ZNF808: variants seen among roughly 807,000 people sequenced by gnomAD.
ZNF808 encodes zinc finger protein 808.
Under a neutral mutation model 8.7 loss-of-function variants are expected in ZNF808, and 5 were observed. That is an observed-to-expected ratio of 0.58 (90% confidence interval 0.30 to 1.21). The LOEUF (loss-of-function observed/expected upper bound fraction) is 1.21, where lower values mean the gene tolerates loss of function less well. Ranked by LOEUF, ZNF808 falls within the 50% of genes most tolerant of loss-of-function variation. ZNF808 has a pLI of 0.07. For synonymous variants in ZNF808, 380 were observed against 366.0 expected (o/e 1.04, Z -0.44); for missense variants, 1,103 against 1,098.4 (o/e 1.00, Z -0.06).
chr19:52,548,236 C>T (rs1322894312), intron 4 of ZNF808, among the ~76,000 whole-genome samples: 30 of 152,168 alleles, frequency 2.0e-4, no homozygotes, highest in Admixed American at 1.9e-3. Context: ...ACATTTTTCA[C>T]ACCAATATGT....
At chr19:52,541,249 CTTT>C (rs762635770) in intron 2 of ZNF808, among the ~76,000 whole-genome samples, 1 of 139,586 alleles carries the variant, frequency 7.2e-6, no homozygotes, top group African/African-American at 2.6e-5. Flanking sequence ...CCCGCCTGGC[CTTT>C]TTTTTTTTTT....
Position 52,553,475 on chromosome 19 carries a change from G to C in ZNF808, c.559G>C (p.Ala187Pro). Residue 187 changes from alanine to proline, a missense_variant, in exon 5 of 5, where the codon GCT becomes CCT. By Grantham distance (27) the Ala-to-Pro change is conservative. Coordinates refer to ENST00000359798, the MANE Select transcript of ZNF808 (RefSeq NM_001039886.4). ...ANQLEKSTSD[A>P]SSVSTSQRIS... ...TCAACTTGAGAAGTCTACCAGTGATGCTTCCTCAGTTTCAACATCCCAAAG... is the reference window on the plus strand; with the variant it reads ...TCAACTTGAGAAGTCTACCAGTGATCCTTCCTCAGTTTCAACATCCCAAAG... 1 of 1,614,134 alleles carries C rather than the reference G, an allele frequency of 6.2e-7. No homozygotes were observed. Among genetic ancestry groups the C allele is most frequent in the Non-Finnish European group, 8.5e-7 (1 of 1,180,022 alleles).
chr19:52,532,763 T>C (rs1328981719), intron 1 of ZNF808, 145 bp from the exon 2 acceptor site: 1 of 148,750 alleles, frequency 6.7e-6, no homozygotes, highest in African/African-American at 2.5e-5. Context: ...TATTAAAGAA[T>C]CTTACTCCTT....
rs73578259 is a variant in ZNF808, at chr19:52,561,355, T to C, written c.*423-1963T>C. On this transcript the variant is annotated intron_variant and NMD_transcript_variant, in intron 3 of 3. Transcript: ENST00000487863. ...TGCACCCATTAATTCATCATACTTCTTTCTGTTCTTGTATTTTCTGTGACT... is the reference window on the plus strand; with the variant it reads ...TGCACCCATTAATTCATCATACTTCCTTCTGTTCTTGTATTTTCTGTGACT... Among the ~76,000 whole-genome samples the C allele has an allele frequency of 5.4e-3, 821 of 152,018 alleles. 5 individuals carry two copies. The highest frequency in any genetic ancestry group is 0.017 in the African/African-American group (718 of 41,466).
chr19:52,564,323 T>A, exon 4 of ZNF808: 2 of 606,346 alleles, frequency 3.3e-6, no homozygotes, highest in South Asian at 3.9e-5. Context: ...ATCTGGAGAC[T>A]TGGACATGTT....
downstream of ZNF808, among the ~76,000 whole-genome samples, chr19:52,566,732 G>A (rs1444162151): frequency 6.6e-6 from 1 of 152,094 alleles, no homozygotes; most frequent in African/African-American, 2.4e-5. Context: ...GGGTGACAAA[G>A]TTCAAGTCCA....
At chr19:52,556,704 G>C (rs920174760), downstream of ZNF808, 8 of 151,878 alleles carry the variant, frequency 5.3e-5, no homozygotes, top group Admixed American at 2.0e-4. Context: ...CTTGCAGTAA[G>C]CCCAGATAGC....
intron 4 of ZNF808, among the ~76,000 whole-genome samples, chr19:52,552,020 A>AT (rs756379358): frequency 0.043 from 6,131 of 144,178 alleles, 174 homozygotes; most frequent in Middle Eastern, 0.066. Flanking sequence ...ATGGAAACAA[A>AT]TTTTTTTTTT....
chr19:52,544,029 C>A (rs1354100963), intron 3 of ZNF808, among the ~76,000 whole-genome samples: 1 of 151,628 alleles, frequency 6.6e-6, no homozygotes. Flanking sequence ...TGTGGTGGTG[C>A]ATGCCTGTAA....
rs2059800688 is a variant in ZNF808 at position 52,553,626 on chromosome 19, G to A, written c.710G>A (p.Gly237Asp). The A allele has an allele frequency of 1.2e-6, 2 of 1,614,186 alleles. No homozygotes were observed. Among genetic ancestry groups the A allele is most frequent in the Non-Finnish European group, 8.5e-7 (1 of 1,180,042 alleles). ...REKSFPCNES[G>D]KAFNCSSLLR... ...AAATCTTTCCCATGTAATGAGAGTG[G>A]CAAAGCCTTTAATTGTAGCTCACTC... Residue 237 changes from glycine to aspartate, a missense_variant, in exon 5 of 5, where the codon GGC (glycine) becomes GAC (aspartate). Coordinates refer to ENST00000359798, the MANE Select transcript of ZNF808 (RefSeq NM_001039886.4).
intron 1 of ZNF808, among the ~76,000 whole-genome samples, chr19:52,531,525 C>T (rs567030335): frequency 6.0e-5 from 9 of 150,976 alleles, no homozygotes; most frequent in East Asian, 2.0e-4. Context: ...TAAAAGCAGA[C>T]GTATTCACGT....
intron 2 of ZNF808, among the ~76,000 whole-genome samples, chr19:52,533,926 T>A (rs2059583338): frequency 7.1e-6 from 1 of 140,432 alleles, no homozygotes; most frequent in Admixed American, 7.2e-5. Flanking sequence ...AATTCAAACA[T>A]CAAATGATTC....
chr19:52,567,936 A>G (rs1233607167), downstream of ZNF808, among the ~76,000 whole-genome samples: 1 of 152,236 alleles, frequency 6.6e-6, no homozygotes, highest in Non-Finnish European at 1.5e-5. Flanking sequence ...CAAGGGAGAT[A>G]GTACCTGTAA....
intron 2 of ZNF808, chr19:52,535,847 C>G (rs1264715379): frequency 6.6e-6 from 1 of 152,140 alleles, no homozygotes; most frequent in African/African-American, 2.4e-5. Flanking sequence ...GCGCTGGGTG[C>G]GAGGCGGAGG....
chr19:52,566,624 C>G (rs141571396), downstream of ZNF808, among the ~76,000 whole-genome samples: 57 of 152,256 alleles, frequency 3.7e-4, no homozygotes, highest in African/African-American at 1.2e-3. Context: ...GAAGCTCAGT[C>G]TGTCAGATAC....
chr19:52,546,353 A>G (rs1275193953), intron 3 of ZNF808, among the ~76,000 whole-genome samples: 1 of 151,640 alleles, frequency 6.6e-6, no homozygotes, highest in Non-Finnish European at 1.5e-5. Flanking sequence ...ACACCCAGCT[A>G]ATTTTTGTGT....
chr19:52,553,217 T>G lies in ZNF808; in HGVS notation c.301T>G (p.Phe101Val), dbSNP rs1252907834. ...QRHQSYHIGD[F>V]CFQEIEKEIH... ...ACATCAAAGTTATCACATTGGAGAC[T>G]TTTGCTTCCAGGAAATTGAGAAAGA... is the stretch of plus-strand genomic sequence containing the variant. Residue 101 changes from phenylalanine (F) to valine (V), a missense_variant, in exon 5 of 5, where the codon TTT becomes GTT. Transcript: ENST00000359798. 2.4e-5 allele frequency: 39 copies of G among 1,613,940 alleles called. No individual in the cohort carries two copies. The Admixed American group carries it at 3.7e-4, about 15-fold the overall frequency.
intron 4 of ZNF808, among the ~76,000 whole-genome samples, chr19:52,551,618 G>A (rs941850257): frequency 4.6e-5 from 7 of 152,018 alleles, no homozygotes; most frequent in Admixed American, 6.6e-5. Flanking sequence ...TTTATCATGG[G>A]TTACAATATT....
downstream of ZNF808, among the ~76,000 whole-genome samples, chr19:52,560,531 T>C (rs1395833736): frequency 6.6e-6 from 1 of 152,114 alleles, no homozygotes; most frequent in Non-Finnish European, 1.5e-5. Context: ...TTCTGGAATC[T>C]ACACAAGGCA....
Sources: gnomAD v4.1 joint callset for allele counts (sites outside exome capture counted in the v4.1 genomes callset) on GRCh38, gnomAD v4.1.1 for gene constraint, MANE v1.5 for transcripts, NCBI Gene and HGNC (gene_info 2026-07-23, HGNC 2026-07-21) for gene names.